COL28A1: variants seen among roughly 807,000 people sequenced by gnomAD.
COL28A1 encodes the protein collagen type XXVIII alpha 1 chain.
COL28A1 carries 161 observed loss-of-function variants against 150.2 expected under a neutral mutation model. The ratio of observed to expected loss-of-function variants is 1.07; its 90% CI spans 0.94 to 1.22. COL28A1 has a LOEUF of 1.22. Ranked by LOEUF, COL28A1 falls within the 50% of genes most tolerant of loss-of-function variation. The pLI is 0.00. For missense variants in COL28A1, 1,617 were observed against 1,388.3 expected, an observed-to-expected ratio of 1.16 and a Z score of -2.62; for synonymous variants, 552 against 469.7, an observed-to-expected ratio of 1.18 and a Z score of -2.26.
chr7:7,471,135 A>G (rs1788387156), intron 15 of COL28A1, among the ~76,000 whole-genome samples: 4 of 149,166 alleles, frequency 2.7e-5, no homozygotes, highest in South Asian at 2.1e-4. Flanking sequence ...TAAAAAAAAA[A>G]AAAAAAAAAG....
rs1245989287 is a variant in COL28A1, at chr7:7,358,730, A to T, written c.3281T>A (p.Val1094Asp). ...GAACCAAAATCGGGCACAAGAGTTG[A>T]CCTGTTTGTCATAATACCATCGAAC... ...YVVRWYYDKQ[V>D]NSCARFWFSG... is the part of the protein sequence containing the mutation. Residue 1094 changes from valine to aspartate, a missense_variant, in exon 35 of 35, where the codon GTC becomes GAC. Physicochemically the swap from Val to Asp is radical, Grantham distance 152. Coordinates refer to ENST00000399429, the MANE Select transcript of COL28A1 (RefSeq NM_001037763.3). The T allele has an allele frequency of 6.2e-7, 1 of 1,613,886 alleles. No homozygotes were observed. The highest frequency in any genetic ancestry group is 1.3e-5 in the African/African-American group (1 of 74,884).
At chr7:7,405,263 G>C (rs1783431125) in intron 27 of COL28A1, among the ~76,000 whole-genome samples, 1 of 152,146 alleles carries the variant, frequency 6.6e-6, no homozygotes, top group African/African-American at 2.4e-5. Flanking sequence ...CTGGCAAAGA[G>C]TGTGTGTACA....
intron 25 of COL28A1, among the ~76,000 whole-genome samples, chr7:7,425,473 G>A (rs1412113243): frequency 2.6e-5 from 4 of 152,106 alleles, no homozygotes; most frequent in South Asian, 2.1e-4. Context: ...GGTCCCACAC[G>A]ACCTGCACAA....
the COL28A1 span, among the ~76,000 whole-genome samples, chr7:7,340,963 G>A: frequency 6.6e-6 from 1 of 152,112 alleles, no homozygotes; most frequent in East Asian, 1.9e-4. Context: ...GATGACCCCA[G>A]CTCCAGGCTA....
Position 7,432,474 on chromosome 7 carries a change from T to G in COL28A1, c.1997A>C (p.Lys666Thr). ...GLRGVGDTGA[K>T]GEPGVRGPPG... is the part of the protein sequence containing the mutation. ...ACGTTGCCTACTTTAAAGTCTTACC[T>G]TTGCTCCAGTGTCTCCCACTCCACG... The change falls in exon 25 of 35, where the codon AAG becomes ACG. Residue 666 changes from lysine to threonine, a missense_variant and splice_region_variant. Coordinates refer to ENST00000399429, the MANE Select transcript of COL28A1 (RefSeq NM_001037763.3). The G allele has an allele frequency of 6.2e-7, 1 of 1,613,988 alleles. No individual in the cohort carries two copies. Among genetic ancestry groups the G allele is most frequent in the Non-Finnish European group, 8.5e-7 (1 of 1,179,858 alleles).
intron 13 of COL28A1, among the ~76,000 whole-genome samples, chr7:7,482,279 C>A (rs572742936): frequency 6.6e-6 from 1 of 152,282 alleles, no homozygotes; most frequent in Non-Finnish European, 1.5e-5. Context: ...AATCCCAGCA[C>A]TTCAGGACGC....
At chr7:7,344,654 A>G in the COL28A1 span, among the ~76,000 whole-genome samples, 1 of 152,106 alleles carries the variant, frequency 6.6e-6, no homozygotes, top group African/African-American at 2.4e-5. Flanking sequence ...AAGAAAAGTA[A>G]GAGAATTTTT....
chr7:7,393,678 C>G (rs1263095498), intron 27 of COL28A1, among the ~76,000 whole-genome samples: 1 of 152,196 alleles, frequency 6.6e-6, no homozygotes, highest in Non-Finnish European at 1.5e-5. Context: ...GAGAGGCAGT[C>G]AGGCTACAGC....
At chr7:7,418,035 A>G in intron 26 of COL28A1, 108 bp from the exon 27 acceptor site, 3 of 803,902 alleles carry the variant, frequency 3.7e-6, no homozygotes, top group South Asian at 3.5e-5. Context: ...TCTGACCAGG[A>G]CTTTCATGCT....
At chr7:7,519,628 A>C (rs2115188441) in intron 6 of COL28A1, among the ~76,000 whole-genome samples, 1 of 152,262 alleles carries the variant, frequency 6.6e-6, no homozygotes, top group East Asian at 1.9e-4. Context: ...AAGTCCTTGA[A>C]GATGCTCTGG....
Position 7,432,642 on chromosome 7 carries a change from G to T in COL28A1, c.1919C>A (p.Pro640His). ...GAPGLKGDGY[P>H]GVPGPRGLPG... ...AAATGTCCCACTTACAGGCACACCA[G>T]GATAGCCATCACCTTTGAGTCCTGG... The change falls in exon 24 of 35, where the codon CCT (proline) becomes CAT (histidine). Residue 640 changes from proline to histidine, a missense_variant. Pro to His is a moderately conservative substitution (Grantham distance 77). Transcript: ENST00000399429. 6.2e-7 allele frequency: 1 copy of T among 1,614,016 alleles called. No homozygotes were observed. Among genetic ancestry groups the T allele is most frequent in the South Asian group, 1.1e-5 (1 of 91,074 alleles).
Position 7,444,509 on chromosome 7 carries a change from T to C in COL28A1, c.1510-20A>G. 1 of 1,611,750 alleles carries C rather than the reference T, an allele frequency of 6.2e-7. No homozygotes were observed. The highest frequency in any genetic ancestry group is 8.5e-7 in the Non-Finnish European group (1 of 1,178,044). On this transcript the variant is annotated intron_variant, in intron 18 of 34. Transcript: ENST00000399429. The stretch of plus-strand genomic sequence containing the variant: ...CTCTCCCTGGTGAATGAACAAATAT[T>C]TTATTTCCCTAAAGTTCATACCTCC...
At chr7:7,418,079 C>T in intron 26 of COL28A1, 152 bp from the exon 27 acceptor site, 1 of 586,772 alleles carries the variant, frequency 1.7e-6, no homozygotes, top group South Asian at 2.2e-5. Context: ...ACTTAGAGTG[C>T]TTCCCCAATA....
At chr7:7,414,063 C>T (rs947466810) in intron 27 of COL28A1, among the ~76,000 whole-genome samples, 1 of 152,112 alleles carries the variant, frequency 6.6e-6, no homozygotes. Context: ...GGCATAACTC[C>T]CAATTAGAAA....
intron 15 of COL28A1, among the ~76,000 whole-genome samples, chr7:7,464,082 A>T (rs1787855878): frequency 6.6e-6 from 1 of 152,222 alleles, no homozygotes; most frequent in Non-Finnish European, 1.5e-5. Flanking sequence ...TTATATAATG[A>T]TAAAAGGCCT....
At chr7:7,512,397 A>AT (rs1386568423) in intron 8 of COL28A1, among the ~76,000 whole-genome samples, 2 of 152,214 alleles carry the variant, frequency 1.3e-5, no homozygotes, top group Non-Finnish European at 2.9e-5. Context: ...GAAGTGATAT[A>AT]TATGTTAATT....
chr7:7,386,798 G>T (rs1303342561), intron 27 of COL28A1, among the ~76,000 whole-genome samples: 3 of 152,128 alleles, frequency 2.0e-5, no homozygotes, highest in Non-Finnish European at 4.4e-5. Flanking sequence ...GGTCCCACAG[G>T]TCGCAGTCTG....
At chr7:7,451,383 G>A (rs1562694648) in intron 18 of COL28A1, among the ~76,000 whole-genome samples, 1 of 151,872 alleles carries the variant, frequency 6.6e-6, no homozygotes, top group Admixed American at 6.6e-5. Context: ...GCATCAATAC[G>A]CCCAGCTAAT....
chr7:7,440,039 T>C (rs1248113646), intron 21 of COL28A1, among the ~76,000 whole-genome samples: 1 of 152,188 alleles, frequency 6.6e-6, no homozygotes, highest in Non-Finnish European at 1.5e-5. Context: ...TGAACTCTCT[T>C]ACGTTTGCAG....
Sources: allele counts gnomAD v4.1 joint callset (sites outside exome capture counted in the v4.1 genomes callset), GRCh38; gene constraint gnomAD v4.1.1; transcripts MANE v1.5; gene names NCBI Gene and HGNC (gene_info 2026-07-23, HGNC 2026-07-21).